The following WDR75 variants were observed in gnomAD, a reference collection of about 807,000 sequenced individuals.
WDR75 encodes WD repeat domain 75.
In WDR75, 52 loss-of-function variants were observed where a neutral mutation model predicts 106.1. The observed-to-expected ratio is 0.49, with a 90% confidence interval of 0.39 to 0.62. The LOEUF is 0.62. Among genes scored for constraint, WDR75 ranks in the 20% least tolerant of loss-of-function variants. The probability of loss-of-function intolerance (pLI) is 0.00; values close to 1 mark genes in which losing one functional copy is unlikely to be tolerated. For missense variants in WDR75, 905 were observed against 970.3 expected (o/e 0.93, Z 0.89); for synonymous variants, 333 against 335.5 (o/e 0.99, Z 0.08).
In WDR75 at chr2:189,458,754, T is replaced by C; in HGVS notation, c.571T>C (p.Phe191Leu). 6.4e-7 allele frequency: 1 copy of C among 1,565,104 alleles called. No homozygotes were observed. The highest frequency in any genetic ancestry group is 2.3e-5 in the East Asian group (1 of 42,808). ...YFFKKKTTSR[F>L]TLSSSRNKKH... ...GAATTTGTTTTTTTTTTCTCCTAGG[T>C]TTACTTTATCATCATCAAGAAATAA... is the stretch of plus-strand genomic sequence containing the variant. Residue 191 changes from phenylalanine to leucine, a missense_variant and splice_region_variant, in exon 7 of 21, where the codon TTT becomes CTT. Coordinates refer to ENST00000314761, the MANE Select transcript of WDR75 (RefSeq NM_032168.3).
chr2:189,456,806 C>T (rs755610797), intron 5 of WDR75, among the ~76,000 whole-genome samples: 2 of 152,086 alleles, frequency 1.3e-5, no homozygotes, highest in Non-Finnish European at 2.9e-5. Context: ...GGATTTAGGA[C>T]CTAAGTTCAT....
rs757007061 is a variant in WDR75, at chr2:189,470,812, T to C, written c.1990-7T>C. On this transcript the variant is annotated splice_region_variant and splice_polypyrimidine_tract_variant and intron_variant, in intron 17 of 20. Transcript: ENST00000314761. ...TGTCTTTTGCATCATTAATTCTCTC[T>C]TTTCAGAGTTTATTGACATTCAGTA... 2.5e-6 allele frequency: 4 copies of C among 1,582,266 alleles called. No individual in the cohort carries two copies. The highest frequency in any genetic ancestry group is 1.2e-5 in the South Asian group (1 of 85,652).
chr2:189,458,714 C>T, intron 6 of WDR75, 39 bp from the exon 7 acceptor site: 2 of 1,487,512 alleles, frequency 1.3e-6, no homozygotes, highest in Admixed American at 2.2e-5. Flanking sequence ...TATCAAGAGA[C>T]TTTAATAATT....
At chr2:189,449,831 T>TA (rs1410673019) in intron 2 of WDR75, 1 of 984,806 alleles carries the variant, frequency 1.0e-6, no homozygotes, top group Non-Finnish European at 1.2e-6. Context: ...CCAACATTTT[T>TA]ACATTCCTCT....
intron 1 of WDR75, among the ~76,000 whole-genome samples, chr2:189,444,577 G>A (rs1184084653): frequency 6.6e-6 from 1 of 152,118 alleles, no homozygotes; most frequent in East Asian, 1.9e-4. Context: ...ACAAGCTAAT[G>A]TCCCAAACTC....
Position 189,470,101 on chromosome 2 carries a change from A to G in WDR75, c.1845A>G (p.Pro615=). The change falls in exon 17 of 21, where the codon CCA becomes CCG. Residue 615 remains proline (P), a synonymous_variant. Transcript: ENST00000314761. ...SDLFVFKPSE[P]RPLYIQKGIS... Reference sequence around the variant, plus strand: ...TGTTTGTATTTAAACCTAGTGAGCCAAGGCCATTGTATATTCAAAAGGGTA... The same window carrying G: ...TGTTTGTATTTAAACCTAGTGAGCCGAGGCCATTGTATATTCAAAAGGGTA... The G allele has an allele frequency of 1.2e-6, 2 of 1,612,532 alleles. No individual in the cohort carries two copies. Among genetic ancestry groups the G allele is most frequent in the South Asian group, 1.1e-5 (1 of 90,802 alleles).
intron 4 of WDR75, among the ~76,000 whole-genome samples, chr2:189,453,451 T>G (rs1686667316): frequency 6.6e-6 from 1 of 152,172 alleles, no homozygotes; most frequent in African/African-American, 2.4e-5. Flanking sequence ...TTACCCATGA[T>G]TCTAAACACT....
Position 189,474,141 on chromosome 2 carries a change from T to C in WDR75, c.2050-45T>C, listed in dbSNP as rs887790333. 10 of 1,578,670 alleles carry C rather than the reference T, an allele frequency of 6.3e-6. No homozygotes were observed. In the South Asian group the frequency reaches 1.2e-4, roughly 19 times the overall value. On this transcript the variant is annotated intron_variant, in intron 18 of 20. Transcript: ENST00000314761. The stretch of plus-strand genomic sequence containing the variant: ...CTTACTGTTAAGTCAAACACAGTTC[T>C]TCCTTTTTTCTGAAATAATTTCTCT...
At chr2:189,473,767 T>C (rs767105375) in intron 18 of WDR75, among the ~76,000 whole-genome samples, 11 of 152,228 alleles carry the variant, frequency 7.2e-5, no homozygotes, top group Non-Finnish European at 1.3e-4. Flanking sequence ...GCTTCTTGGC[T>C]TTCCCTACAG....
rs1344766877 is a variant in WDR75, at chr2:189,457,882, GA to G, written c.569+505del. On this transcript the variant is annotated intron_variant, in intron 6 of 20. Coordinates refer to ENST00000314761, the MANE Select transcript of WDR75 (RefSeq NM_032168.3). ...CTAAGTATTGAATAGTTAACTATTT[GA>G]AAATAATAACTACCTCTTCCCTTTT... Among the ~76,000 whole-genome samples the G allele has an allele frequency of 8.1e-5, 12 of 148,432 alleles. No homozygotes were observed. In the South Asian group the frequency reaches 2.2e-3, roughly 27 times the overall value.
chr2:189,471,477 C>T (rs1441174421), intron 18 of WDR75, among the ~76,000 whole-genome samples: 1 of 152,170 alleles, frequency 6.6e-6, no homozygotes, highest in African/African-American at 2.4e-5. Flanking sequence ...ATTGTTTTTC[C>T]TTTTGTGACC....
chr2:189,453,530 A>G (rs967921478), intron 4 of WDR75, among the ~76,000 whole-genome samples: 3 of 152,172 alleles, frequency 2.0e-5, no homozygotes, highest in Non-Finnish European at 2.9e-5. Context: ...TTACTGAAAA[A>G]TTTCTCAGTT....
chr2:189,470,061 G>A lies in WDR75; in HGVS notation c.1820-15G>A. 1 of 1,605,948 alleles carries A rather than the reference G, an allele frequency of 6.2e-7. No individual in the cohort carries two copies. The highest frequency in any genetic ancestry group is 8.5e-7 in the Non-Finnish European group (1 of 1,176,134). On this transcript the variant is annotated splice_polypyrimidine_tract_variant and intron_variant, in intron 16 of 20. Transcript: ENST00000314761. ...TCAGGCAAAATGTTATTGTTTCTTTGTTTTTTCCCTCTAGTGTTTGTATTT... is the reference window on the plus strand; with the variant it reads ...TCAGGCAAAATGTTATTGTTTCTTTATTTTTTCCCTCTAGTGTTTGTATTT...
At chr2:189,470,450 G>A (rs1047165079) in intron 17 of WDR75, among the ~76,000 whole-genome samples, 7 of 151,984 alleles carry the variant, frequency 4.6e-5, no homozygotes, top group African/African-American at 1.7e-4. Context: ...GGTTCCTTAG[G>A]TATTGCTTGT....
chr2:189,471,001 T>G (rs1195023556), intron 18 of WDR75, 123 bp downstream of exon 18: 1 of 541,752 alleles, frequency 1.8e-6, no homozygotes, highest in Non-Finnish European at 2.9e-6. Flanking sequence ...AGCCATATAC[T>G]TATAAACTGA....
At chr2:189,471,632 G>A (rs1272717977) in intron 18 of WDR75, among the ~76,000 whole-genome samples, 2 of 152,184 alleles carry the variant, frequency 1.3e-5, no homozygotes, top group Non-Finnish European at 2.9e-5. Context: ...ATTCTTTCAA[G>A]TCATAAAGGA....
At chr2:189,470,946 C>A in intron 18 of WDR75, 68 bp downstream of exon 18, 2 of 1,225,952 alleles carry the variant, frequency 1.6e-6, no homozygotes, top group South Asian at 1.7e-5. Context: ...TTTTAGAAGT[C>A]AACTATGAAA....
chr2:189,473,569 C>G (rs956413693), intron 18 of WDR75, among the ~76,000 whole-genome samples: 1 of 152,146 alleles, frequency 6.6e-6, no homozygotes, highest in Non-Finnish European at 1.5e-5. Context: ...CCACCACCAC[C>G]GCTATCCATA....
At chr2:189,474,443 C>A in intron 19 of WDR75, 111 bp downstream of exon 19, 2 of 1,260,708 alleles carry the variant, frequency 1.6e-6, no homozygotes, top group Non-Finnish European at 1.1e-6. Context: ...CTTTAATACC[C>A]AAACTAAATA....
Sources: gnomAD v4.1 joint callset for allele counts (sites outside exome capture counted in the v4.1 genomes callset) on GRCh38, gnomAD v4.1.1 for gene constraint, MANE v1.5 for transcripts, NCBI Gene and HGNC (gene_info 2026-07-23, HGNC 2026-07-21) for gene names.